The following LMBR1 variants were observed in gnomAD, a reference collection of about 807,000 sequenced individuals.
LMBR1 encodes the protein limb development membrane protein 1.
Under a neutral mutation model 73.9 loss-of-function variants are expected in LMBR1, and 52 were observed. That is an observed-to-expected ratio of 0.70 (90% CI 0.56 to 0.89). LMBR1 has a LOEUF of 0.89. Ranked by LOEUF, LMBR1 falls within the 40% of genes least tolerant of loss-of-function variation. The pLI, the probability that LMBR1 is intolerant of heterozygous loss-of-function variation, is 0.00. For missense variants in LMBR1, 539 were observed against 579.8 expected, an observed-to-expected ratio of 0.93 and a Z score of 0.72; for synonymous variants, 215 against 209.4, an observed-to-expected ratio of 1.03 and a Z score of -0.23.
chr7:156,740,979 AAAG>A (rs1486319724), intron 9 of LMBR1, among the ~76,000 whole-genome samples: 5 of 152,250 alleles, frequency 3.3e-5, no homozygotes, highest in Admixed American at 3.3e-4. Flanking sequence ...TAAGACATAA[AAAG>A]AAACAACAAA....
In LMBR1 at chr7:156,762,155, A is replaced by C. The variant is rs777232507; in HGVS notation, c.663T>G (p.Gly221=). 6.2e-7 allele frequency: 1 copy of C among 1,609,150 alleles called. No homozygotes were observed. The highest frequency in any genetic ancestry group is 8.5e-7 in the Non-Finnish European group (1 of 1,175,612). The stretch of plus-strand genomic sequence containing the variant: ...TTACTGTTGGCTTCACTAGCAACTG[A>C]CCCATCACTGTGAACATACGAGAAA... ...VGLSRMFTVM[G]QLLVKPTILE... is the part of the protein sequence containing the mutation. Residue 221 remains glycine (G), a synonymous_variant, in exon 8 of 17, where the codon GGT becomes GGG. Transcript: ENST00000353442.
chr7:156,755,051 T>C (rs11768055), intron 9 of LMBR1, among the ~76,000 whole-genome samples: 15,805 of 152,216 alleles, frequency 0.1, 1,092 homozygotes, highest in East Asian at 0.28. Flanking sequence ...CCTACCAAAA[T>C]GGTATGTAAA....
At position 156,853,409 on chromosome 7, in the gene LMBR1, GA is replaced by G. The variant is rs201439538; in HGVS notation, c.67-16525del. Among the ~76,000 whole-genome samples, 261 of 144,326 alleles carry G rather than the reference GA, an allele frequency of 1.8e-3. 1 individual carries two copies. Among genetic ancestry groups the G allele is most frequent in the African/African-American group, 6.3e-3 (248 of 39,304 alleles). 94.7% of individuals were successfully genotyped at this position (144,326 alleles called of 152,430 possible). ...CATTCCAAACTACTTAATGTTAAAAGAAAAAAAAAAGCACTATCCCTTATGA... is the reference window on the plus strand; with the variant it reads ...CATTCCAAACTACTTAATGTTAAAAGAAAAAAAAAGCACTATCCCTTATGA... On this transcript the variant is annotated intron_variant, in intron 1 of 16. Transcript: ENST00000353442.
At chr7:156,690,420 C>T (rs1242832045) in intron 15 of LMBR1, among the ~76,000 whole-genome samples, 1 of 152,162 alleles carries the variant, frequency 6.6e-6, no homozygotes, top group Non-Finnish European at 1.5e-5. Context: ...TCCTACCAGC[C>T]CTGTACATGG....
In LMBR1 at chr7:156,846,517, A is replaced by G. The variant is rs139950215; in HGVS notation, c.67-9632T>C. Among the ~76,000 whole-genome samples, 372 of 152,332 alleles carry G rather than the reference A, an allele frequency of 2.4e-3. 1 individual carries two copies. Among genetic ancestry groups the G allele is most frequent in the Non-Finnish European group, 4.3e-3 (292 of 68,036 alleles). ...TGTACAGAATCTGTATAAGAAAGCT[A>G]TAAAACTCTGAAAGAAATCAAAGAA... On this transcript the variant is annotated intron_variant, in intron 1 of 16. Transcript: ENST00000353442.
At chr7:156,815,432 T>C (rs922113981) in intron 4 of LMBR1, among the ~76,000 whole-genome samples, 1 of 152,150 alleles carries the variant, frequency 6.6e-6, no homozygotes, top group Non-Finnish European at 1.5e-5. Flanking sequence ...ATTAACAATA[T>C]CAATGTAGCA....
At chr7:156,692,443 T>C (rs1476934081) in intron 15 of LMBR1, among the ~76,000 whole-genome samples, 3 of 152,334 alleles carry the variant, frequency 2.0e-5, no homozygotes, top group African/African-American at 7.2e-5. Flanking sequence ...ATTGGAGATA[T>C]ACTTATTGAC....
chr7:156,804,883 G>A (rs547270208), intron 4 of LMBR1, among the ~76,000 whole-genome samples: 1 of 151,658 alleles, frequency 6.6e-6, no homozygotes, highest in Admixed American at 6.6e-5. Flanking sequence ...TTGTGCTTTC[G>A]CTATCCTACC....
rs114371319 is a variant in LMBR1, at chr7:156,782,902, T to C, written c.423+13487A>G. On this transcript the variant is annotated intron_variant, in intron 5 of 16. Coordinates refer to ENST00000353442, the MANE Select transcript of LMBR1 (RefSeq NM_022458.4). ...ATTAGTGATGGTGATAATCTTTTTA[T>C]GTGCTTATTGGCCATTTGTGTATCT... Among the ~76,000 whole-genome samples, 581 of 152,326 alleles carry C rather than the reference T, an allele frequency of 3.8e-3. 2 individuals are homozygous for C. The highest frequency in any genetic ancestry group is 6.0e-3 in the Non-Finnish European group (408 of 68,030).
intron 1 of LMBR1, among the ~76,000 whole-genome samples, chr7:156,857,947 C>A (rs550626179): frequency 6.6e-6 from 1 of 150,470 alleles, no homozygotes; most frequent in South Asian, 2.1e-4. Context: ...GCAGCAAAAG[C>A]AGCGCTTAGA....
intron 5 of LMBR1, among the ~76,000 whole-genome samples, chr7:156,766,413 T>C (rs896560966): frequency 6.6e-5 from 10 of 152,146 alleles, no homozygotes; most frequent in African/African-American, 1.9e-4. Context: ...AAAAGGAAGC[T>C]TGTGCACTCG....
chr7:156,882,945 C>G (rs1182190691), intron 1 of LMBR1, among the ~76,000 whole-genome samples: 2 of 152,018 alleles, frequency 1.3e-5, no homozygotes, highest in Non-Finnish European at 2.9e-5. Flanking sequence ...GCAGGAGAAT[C>G]ACTTGAACCC....
At chr7:156,886,699 A>C (rs914178740) in intron 1 of LMBR1, among the ~76,000 whole-genome samples, 12 of 152,160 alleles carry the variant, frequency 7.9e-5, no homozygotes, top group African/African-American at 2.2e-4. Context: ...GTGCTTGTTT[A>C]GCCGCTAGAA....
chr7:156,676,350 T>G (rs2131780517), downstream of LMBR1: 2 of 1,613,598 alleles, frequency 1.2e-6, no homozygotes. Flanking sequence ...GGTTCGCATT[T>G]CAGTTTAAGT....
intron 15 of LMBR1, among the ~76,000 whole-genome samples, chr7:156,708,037 A>T (rs1254293601): frequency 9.9e-5 from 15 of 151,888 alleles, no homozygotes; most frequent in African/African-American, 3.4e-4. Flanking sequence ...TTCTATATAA[A>T]AAAAAAAAAA....
chr7:156,789,948 T>G (rs983964161), intron 5 of LMBR1, among the ~76,000 whole-genome samples: 1 of 152,110 alleles, frequency 6.6e-6, no homozygotes, highest in Non-Finnish European at 1.5e-5. Context: ...AAATCTGTAC[T>G]TGGTAACTTT....
intron 5 of LMBR1, chr7:156,779,772 T>G: frequency 1.3e-5 from 13 of 991,670 alleles, no homozygotes; most frequent in Non-Finnish European, 1.8e-5. Context: ...ACTATGTCTC[T>G]ACCCATTAGG....
chr7:156,833,509 G>A (rs1343862394), intron 3 of LMBR1: 1 of 457,912 alleles, frequency 2.2e-6, no homozygotes, highest in African/African-American at 2.1e-5. Flanking sequence ...TTAAATTAAG[G>A]CCATTTCCTC....
At chr7:156,811,903 C>G (rs1833155260) in intron 4 of LMBR1, among the ~76,000 whole-genome samples, 1 of 152,176 alleles carries the variant, frequency 6.6e-6, no homozygotes, top group Non-Finnish European at 1.5e-5. Context: ...TTCCTACTAT[C>G]TGTGGGTGGC....
Sources: allele counts gnomAD v4.1 joint callset (sites outside exome capture counted in the v4.1 genomes callset), GRCh38; gene constraint gnomAD v4.1.1; transcripts MANE v1.5; gene names NCBI Gene and HGNC (gene_info 2026-07-23, HGNC 2026-07-21).